The following PEAR1 variants were observed in gnomAD, a reference collection of about 807,000 sequenced individuals.
The protein encoded by PEAR1 is platelet endothelial aggregation receptor 1, also known as multiple EGF-like domains protein 12.
Under a neutral mutation model 131.2 loss-of-function variants are expected in PEAR1, and 113 were observed. That is an observed-to-expected ratio of 0.86 (90% CI 0.74 to 1.01). The LOEUF is 1.01. PEAR1 is among the 50% of genes least tolerant of loss of function. PEAR1 has a pLI of 0.00. For missense variants in PEAR1, 1,408 were observed against 1,391.1 expected (o/e 1.01, Z -0.19); for synonymous variants, 565 against 523.3 (o/e 1.08, Z -1.09).
chr1:156,907,649 C>G lies in PEAR1; in HGVS notation c.684C>G (p.Phe228Leu), dbSNP rs148520058. Residue 228 changes from phenylalanine to leucine, a missense_variant, in exon 7 of 23, where the codon TTC (phenylalanine) becomes TTG (leucine). Transcript: ENST00000292357. Reference sequence around the variant, plus strand: ...GTTCCCAGGGCACTTCTGGCTTCTTCTGCCCCAGCACCCATTCTTGCCAAA... The same window carrying G: ...GTTCCCAGGGCACTTCTGGCTTCTTGTGCCCCAGCACCCATTCTTGCCAAA... ...VSCSQGTSGF[F>L]CPSTHSCQNG... 2.4e-5 allele frequency: 38 copies of G among 1,613,972 alleles called. No homozygotes were observed. The African/African-American group carries it at 4.7e-4, about 20-fold the overall frequency.
chr1:156,903,046 G>A (rs1057246865), intron 1 of PEAR1, among the ~76,000 whole-genome samples: 2 of 152,150 alleles, frequency 1.3e-5, no homozygotes, highest in African/African-American at 4.8e-5. Context: ...AGGGAGACTG[G>A]CCTTGGGTTT....
chr1:156,909,072 G>A, intron 11 of PEAR1, 36 bp downstream of exon 11: 4 of 1,612,332 alleles, frequency 2.5e-6, no homozygotes, highest in South Asian at 1.1e-5. Context: ...GAAGACTTGG[G>A]GGATGGCCAA....
In PEAR1 at chr1:156,907,932, G is replaced by A. The variant is rs1385704494; in HGVS notation, c.783G>A (p.Leu261=). ...CCCCACAGGGCACCATCTGCTCCCT[G>A]CCCTGCCCAGAGGGCTTTCACGGAC... The part of the protein sequence containing the change: ...PPGWMGTICS[L]PCPEGFHGPN... The change falls in exon 8 of 23, where the codon CTG becomes CTA. Residue 261 remains leucine, a synonymous_variant. Transcript: ENST00000292357. The A allele has an allele frequency of 1.3e-5, 21 of 1,591,684 alleles. No homozygotes were observed. In the Middle Eastern group the frequency reaches 5.0e-4, roughly 38 times the overall value.
intron 2 of PEAR1, 69 bp from the exon 3 acceptor site, chr1:156,904,679 C>A: frequency 6.8e-7 from 1 of 1,472,564 alleles, no homozygotes; most frequent in South Asian, 1.3e-5. Context: ...GCCCTCATGG[C>A]CATTTTCCCG....
At chr1:156,911,011 G>A (rs145918901) in intron 15 of PEAR1, among the ~76,000 whole-genome samples, 3 of 151,696 alleles carry the variant, frequency 2.0e-5, no homozygotes, top group Admixed American at 6.6e-5. Context: ...CATAGGCTTA[G>A]CTTGGGACAT....
intron 16 of PEAR1, 51 bp from the exon 17 acceptor site, chr1:156,912,443 G>A (rs1467802623): frequency 1.2e-6 from 2 of 1,603,970 alleles, no homozygotes; most frequent in Non-Finnish European, 1.7e-6. Flanking sequence ...AAGGAGACTA[G>A]AGTTTCCTGG....
rs1651822727 is a variant in PEAR1, at chr1:156,915,933, A to G, written c.*1135A>G. ...GTATGCTCTGACAGTTACAGACTGAATAAGTTGGAGACTTCCCTAAAGGGT... is the reference window on the plus strand; with the variant it reads ...GTATGCTCTGACAGTTACAGACTGAGTAAGTTGGAGACTTCCCTAAAGGGT... On this transcript the variant is annotated 3_prime_UTR_variant, in exon 23 of 23. Coordinates refer to ENST00000292357, the MANE Select transcript of PEAR1 (RefSeq NM_001080471.3). 1 of 152,252 alleles carries G rather than the reference A, an allele frequency of 6.6e-6. No individual in the cohort carries two copies. Among genetic ancestry groups the G allele is most frequent in the African/African-American group, 2.4e-5 (1 of 41,468 alleles). 9.4% of individuals were successfully genotyped at this position (152,252 alleles called of 1,614,324 possible).
At chr1:156,909,175 A>G in intron 11 of PEAR1, 139 bp downstream of exon 11, 1 of 1,142,742 alleles carries the variant, frequency 8.8e-7, no homozygotes, top group Non-Finnish European at 1.2e-6. Flanking sequence ...GACACAGGGA[A>G]AGTATCCAGG....
rs142243219 is a variant in PEAR1, at chr1:156,899,440, G to A, written c.-9-4478G>A. Among the ~76,000 whole-genome samples the A allele has an allele frequency of 5.6e-3, 856 of 152,276 alleles. 6 individuals are homozygous for A. Among genetic ancestry groups the A allele is most frequent in the African/African-American group, 0.019 (801 of 41,560 alleles). On this transcript the variant is annotated intron_variant, in intron 1 of 22. Coordinates refer to ENST00000292357, the MANE Select transcript of PEAR1 (RefSeq NM_001080471.3). ...GCAGCCCATCGTTTTGGGGGATCAGGTTCTCGGGGGAGCCTGGCCCCCTCC... is the reference window on the plus strand; with the variant it reads ...GCAGCCCATCGTTTTGGGGGATCAGATTCTCGGGGGAGCCTGGCCCCCTCC...
chr1:156,898,239 G>A (rs1425526360), intron 1 of PEAR1, among the ~76,000 whole-genome samples: 1 of 152,150 alleles, frequency 6.6e-6, no homozygotes, highest in East Asian at 1.9e-4. Flanking sequence ...GGAGGGGTGC[G>A]ATAGATGTGT....
At position 156,908,311 on chromosome 1, in the gene PEAR1, C is replaced by T. The variant is rs1315794381; in HGVS notation, c.1086C>T (p.Pro362=). 1.3e-6 allele frequency: 2 copies of T among 1,557,812 alleles called. No individual in the cohort carries two copies. Among genetic ancestry groups the T allele is most frequent in the Non-Finnish European group, 1.7e-6 (2 of 1,155,772 alleles). The change falls in exon 9 of 23, where the codon CCC becomes CCT. Residue 362 remains proline, a synonymous_variant. Coordinates refer to ENST00000292357, the MANE Select transcript of PEAR1 (RefSeq NM_001080471.3). The surrounding 1 kb of genome is among the most constrained non-coding windows in gnomAD (Gnocchi z 4.2). The stretch of plus-strand genomic sequence containing the variant: ...TCTACGGTCTCAGCTGCCAGGCCCC[C>T]TGCACCTGCGACCGGGAGCACAGCC... ...DGFYGLSCQA[P]CTCDREHSLS...
chr1:156,895,178 G>A (rs1404056100), intron 1 of PEAR1, among the ~76,000 whole-genome samples: 2 of 152,224 alleles, frequency 1.3e-5, no homozygotes, highest in East Asian at 3.8e-4. Flanking sequence ...GAAGCTGAGA[G>A]TTGGCATCTG....
intron 6 of PEAR1, 28 bp downstream of exon 6, chr1:156,906,908 A>G (rs756013141): frequency 8.7e-6 from 14 of 1,605,146 alleles, no homozygotes; most frequent in South Asian, 1.1e-5. Context: ...CGACACTTTA[A>G]CAAGATCGCA....
At position 156,908,028 on chromosome 1, in the gene PEAR1, CGCT is replaced by C. The variant is rs1558135810; in HGVS notation, c.880_882del (p.Ala294del). On this transcript the variant is annotated inframe_deletion, in exon 8 of 23. Transcript: ENST00000292357. This position sits in a 1 kb window ranked among gnomAD's most constrained non-coding sequence, Gnocchi z 4.2. ...ACCGATTCACTGGGCAGTGCCGCTG[CGCT>C]CCGGGTTACACTGGGGATCGGTGAG... is the stretch of plus-strand genomic sequence containing the variant. 6.4e-7 allele frequency: 1 copy of C among 1,567,956 alleles called. No individual in the cohort carries two copies. The highest frequency in any genetic ancestry group is 2.4e-5 in the East Asian group (1 of 42,486).
chr1:156,906,575 A>T lies in PEAR1; in HGVS notation c.401-62A>T, dbSNP rs1219661668. 2.1e-5 allele frequency: 34 copies of T among 1,597,622 alleles called. No homozygotes were observed. In the Admixed American group the frequency reaches 5.8e-4, roughly 27 times the overall value. On this transcript the variant is annotated intron_variant, in intron 5 of 22. Coordinates refer to ENST00000292357, the MANE Select transcript of PEAR1 (RefSeq NM_001080471.3). ...GGGAGACAGAGGCTGGGAGACAGAG[A>T]CGGGGAGGCTGGGGATGGACTAGAC...
At chr1:156,904,953 G>A in intron 3 of PEAR1, 101 bp downstream of exon 3, 1 of 1,572,358 alleles carries the variant, frequency 6.4e-7, no homozygotes, top group East Asian at 2.4e-5. Flanking sequence ...GAAACTCAGA[G>A]GAAACTCCTG....
intron 15 of PEAR1, among the ~76,000 whole-genome samples, chr1:156,911,077 CTTT>C (rs1651054360): frequency 4.6e-5 from 3 of 65,332 alleles, no homozygotes; most frequent in African/African-American, 4.0e-4. Context: ...TTCTTTCTTT[CTTT>C]CTTTCTTTCT....
At chr1:156,896,038 C>T (rs974352972) in intron 1 of PEAR1, among the ~76,000 whole-genome samples, 3 of 152,078 alleles carry the variant, frequency 2.0e-5, no homozygotes, top group Admixed American at 6.5e-5. Context: ...GCCATGATCA[C>T]GCCACTGCAT....
chr1:156,901,156 C>T (rs1378292636), intron 1 of PEAR1, among the ~76,000 whole-genome samples: 1 of 152,208 alleles, frequency 6.6e-6, no homozygotes, highest in Non-Finnish European at 1.5e-5. Context: ...CCCTGGCTTC[C>T]AGCCCCTGGG....
Sources: allele counts gnomAD v4.1 joint callset (sites outside exome capture counted in the v4.1 genomes callset), GRCh38; gene constraint gnomAD v4.1.1; non-coding constraint Gnocchi (gnomAD v3.1); transcripts MANE v1.5; gene names NCBI Gene and HGNC (gene_info 2026-07-23, HGNC 2026-07-21).